Variants in PIK3CA observed in about 807,000 individuals in gnomAD.
The protein encoded by PIK3CA is phosphatidylinositol-4,5-bisphosphate 3-kinase catalytic subunit alpha.
In PIK3CA, 27 loss-of-function variants were observed where a neutral mutation model predicts 138.2. The ratio of observed to expected loss-of-function variants is 0.20; its 90% CI spans 0.14 to 0.27. The LOEUF (loss-of-function observed/expected upper bound fraction) is 0.27. Among genes scored for constraint, PIK3CA ranks in the 10% least tolerant of loss-of-function variants. The pLI is 1.00. For missense variants in PIK3CA, 544 were observed against 1,277.4 expected (o/e 0.43, Z 8.75); for synonymous variants, 358 against 413.2 (o/e 0.87, Z 1.62).
At chr3:179,225,137 T>TA (rs1431030676) in intron 16 of PIK3CA, among the ~76,000 whole-genome samples, 2 of 151,958 alleles carry the variant, frequency 1.3e-5, no homozygotes, top group Admixed American at 1.3e-4. Flanking sequence ...GTTTTTTTTT[T>TA]AATCAGTTTC....
chr3:179,155,080 A>G (rs1032881416), intron 1 of PIK3CA, among the ~76,000 whole-genome samples: 4 of 152,242 alleles, frequency 2.6e-5, no homozygotes, highest in African/African-American at 9.6e-5. Context: ...GTATAGGGAT[A>G]GAATCATTTT....
chr3:179,169,848 CACTT>C (rs1325755591), intron 1 of PIK3CA, among the ~76,000 whole-genome samples: 2 of 152,208 alleles, frequency 1.3e-5, no homozygotes, highest in Admixed American at 6.5e-5. Context: ...AAGCCAATCT[CACTT>C]AAAGTATTAG....
chr3:179,178,080 CAA>C (rs770394983), intron 1 of PIK3CA, among the ~76,000 whole-genome samples: 3 of 59,542 alleles, frequency 5.0e-5, no homozygotes, highest in Non-Finnish European at 1.1e-4. Flanking sequence ...TCTGTCTTTA[CAA>C]AAAAAAAAAA....
intron 6 of PIK3CA, among the ~76,000 whole-genome samples, chr3:179,206,484 A>C (rs1254761497): frequency 1.3e-5 from 2 of 152,194 alleles, no homozygotes; most frequent in Admixed American, 1.3e-4. Flanking sequence ...TAATAGCCAG[A>C]ATTTTTCCAA....
At chr3:179,165,999 A>T (rs1205023665) in intron 1 of PIK3CA, among the ~76,000 whole-genome samples, 1 of 152,122 alleles carries the variant, frequency 6.6e-6, no homozygotes. Context: ...ACTAAATTAC[A>T]CTTCTTTTCA....
At chr3:179,192,006 T>C (rs1328444786) in intron 1 of PIK3CA, among the ~76,000 whole-genome samples, 1 of 152,244 alleles carries the variant, frequency 6.6e-6, no homozygotes, top group Non-Finnish European at 1.5e-5. Flanking sequence ...ATATAAAATA[T>C]ACTTTCTGCA....
Position 179,152,163 on chromosome 3 carries a change from C to T in PIK3CA, c.-77+3560C>T, listed in dbSNP as rs529221590. ...ATTTTTGGTCACTAAAAATGTACAA[C>T]CCTGAAATTGCCACACATACGAATT... On this transcript the variant is annotated intron_variant, in intron 1 of 20. Coordinates refer to ENST00000263967, the MANE Select transcript of PIK3CA (RefSeq NM_006218.4). Among the ~76,000 whole-genome samples the T allele has an allele frequency of 2.6e-5, 4 of 152,268 alleles. No individual in the cohort carries two copies. In the South Asian group the frequency reaches 8.3e-4, roughly 32 times the overall value.
Position 179,203,527 on chromosome 3 carries a change from C to T in PIK3CA, c.814-17C>T, listed in dbSNP as rs774386184. 1 of 1,591,268 alleles carries T rather than the reference C, an allele frequency of 6.3e-7. No homozygotes were observed. Among genetic ancestry groups the T allele is most frequent in the South Asian group, 1.1e-5 (1 of 88,046 alleles). The stretch of plus-strand genomic sequence containing the variant: ...AAAACCTTACAGGAAATGGCTCGCC[C>T]CCTTAATCTCTTACAGTATATAAGA... On this transcript the variant is annotated splice_polypyrimidine_tract_variant and intron_variant, in intron 4 of 20. Transcript: ENST00000263967.
At chr3:179,157,817 G>A (rs376343844) in intron 1 of PIK3CA, among the ~76,000 whole-genome samples, 14 of 151,964 alleles carry the variant, frequency 9.2e-5, no homozygotes, top group Admixed American at 2.0e-4. Context: ...TCAGACTATC[G>A]AGATTACTAG....
rs1724929023 is a variant in PIK3CA, at chr3:179,219,997, C to G, written c.1960C>G (p.Leu654Val). Residue 654 changes from leucine to valine, a missense_variant, in exon 13 of 21, where the codon CTG (leucine) becomes GTG (valine). Coordinates refer to ENST00000263967, the MANE Select transcript of PIK3CA (RefSeq NM_006218.4). This position sits in a 1 kb window ranked among gnomAD's most constrained non-coding sequence, Gnocchi z 4.2. Reference protein sequence around the residue: ...YLDNLLVRFLLKKALTNQRIG... With the variant: ...YLDNLLVRFLVKKALTNQRIG... ...GGATAACTTGCTTGTGAGATTTTTA[C>G]TGAAGAAAGCATTGACTAATCAAAG... 1.2e-6 allele frequency: 2 copies of G among 1,602,144 alleles called. No homozygotes were observed. The highest frequency in any genetic ancestry group is 1.7e-6 in the Non-Finnish European group (2 of 1,176,340).
rs1182381170 is a variant in PIK3CA at position 179,235,123 on chromosome 3, A to G, written c.*759A>G. ...GGGAAATTCTGGGCTCCCACAAAGT[A>G]AAAAAAAAAAAAAATCATAGAAAAA... On this transcript the variant is annotated 3_prime_UTR_variant, in exon 21 of 21. Transcript: ENST00000263967. The G allele has an allele frequency of 7.3e-6, 1 of 136,410 alleles. No individual in the cohort carries two copies. Among genetic ancestry groups the G allele is most frequent in the Admixed American group, 7.5e-5 (1 of 13,282 alleles). 8.4% of individuals were successfully genotyped at this position (136,410 alleles called of 1,614,324 possible). A position where few individuals can be genotyped will look rare whatever the true frequency, so the allele number is the denominator to read the frequency against.
chr3:179,218,078 T>C (rs1163844744), intron 9 of PIK3CA, 132 bp from the exon 10 acceptor site: 1 of 808,098 alleles, frequency 1.2e-6, no homozygotes, highest in African/African-American at 1.8e-5. Context: ...TGAAAATAAA[T>C]TATTTTACAA....
chr3:179,158,688 A>C (rs1723200015), intron 1 of PIK3CA, among the ~76,000 whole-genome samples: 1 of 152,166 alleles, frequency 6.6e-6, no homozygotes, highest in Non-Finnish European at 1.5e-5. Context: ...TACCTAGGAC[A>C]CTCAATGGAC....
chr3:179,209,119 G>A (rs556555435), intron 6 of PIK3CA, among the ~76,000 whole-genome samples: 1 of 151,110 alleles, frequency 6.6e-6, no homozygotes, highest in African/African-American at 2.4e-5. Context: ...TAATTGTATA[G>A]TTCAGTCACA....
intron 1 of PIK3CA, among the ~76,000 whole-genome samples, chr3:179,149,009 G>A (rs775618950): frequency 4.6e-5 from 7 of 152,098 alleles, no homozygotes; most frequent in Admixed American, 1.3e-4. Flanking sequence ...GCGGCTCAAG[G>A]GACGCGGGCG....
intron 14 of PIK3CA, 78 bp from the exon 15 acceptor site, chr3:179,224,003 G>A (rs1725024674): frequency 2.6e-6 from 2 of 783,064 alleles, no homozygotes; most frequent in Non-Finnish European, 4.5e-6. Context: ...AGGTTCTCAT[G>A]TGAGAAAGAG....
intron 18 of PIK3CA, among the ~76,000 whole-genome samples, chr3:179,229,679 C>G (rs1166586284): frequency 6.6e-6 from 1 of 151,990 alleles, no homozygotes; most frequent in Non-Finnish European, 1.5e-5. Flanking sequence ...ATTGTTATTG[C>G]TTATTCTTTT....
rs1303751906 is a variant in PIK3CA at position 179,219,697 on chromosome 3, G to A, written c.1873G>A (p.Asp625Asn). Reference protein sequence around the residue: ...AVRCLEKYLTDDKLSQYLIQL... With the variant: ...AVRCLEKYLTNDKLSQYLIQL... ...TCGGTGCTTGGAAAAATATTTAACA[G>A]ATGACAAACTTTCTCAGTATTTAAT... Residue 625 changes from aspartate (D) to asparagine (N), a missense_variant, in exon 12 of 21, where the codon GAT (aspartate) becomes AAT (asparagine). Coordinates refer to ENST00000263967, the MANE Select transcript of PIK3CA (RefSeq NM_006218.4). The surrounding 1 kb of genome is among the most constrained non-coding windows in gnomAD (Gnocchi z 4.2). 1.9e-6 allele frequency: 3 copies of A among 1,609,826 alleles called. No homozygotes were observed. Among genetic ancestry groups the A allele is most frequent in the Admixed American group, 1.7e-5 (1 of 59,848 alleles).
chr3:179,232,490 G>A (rs76677502), intron 20 of PIK3CA, among the ~76,000 whole-genome samples: 2,396 of 152,236 alleles, frequency 0.016, 92 homozygotes, highest in South Asian at 0.13. Context: ...TGTATCTGCT[G>A]TTTTGGTAAT....
Sources: gnomAD v4.1 joint callset for allele counts (sites outside exome capture counted in the v4.1 genomes callset) on GRCh38, gnomAD v4.1.1 for gene constraint, Gnocchi (gnomAD v3.1) non-coding constraint, MANE v1.5 for transcripts, NCBI Gene and HGNC (gene_info 2026-07-23, HGNC 2026-07-21) for gene names.